The following GCH1 variants were observed in gnomAD, a reference collection of about 807,000 sequenced individuals.
GCH1 encodes GTP cyclohydrolase I.
Under a neutral mutation model 25.9 loss-of-function variants are expected in GCH1, and 5 were observed. The observed-to-expected ratio is 0.19, with a 90% CI of 0.10 to 0.41. GCH1 has a LOEUF of 0.41. Ranked by LOEUF, GCH1 falls within the 10% of genes least tolerant of loss-of-function variation. GCH1 has a pLI of 1.00. For synonymous variants in GCH1, 159 were observed against 129.6 expected (o/e 1.23, Z -1.54); for missense variants, 261 against 336.5 (o/e 0.78, Z 1.75).
rs748137436 is a variant in GCH1, at chr14:54,842,989, T to A, written c.*1028A>T. 2.6e-6 allele frequency: 2 copies of A among 779,538 alleles called. No individual in the cohort carries two copies. The allele number at this position is 779,538 out of a possible 1,614,324, so 48.3% of individuals were successfully genotyped here. ...TGGTTAAAACGTTGGACACAGCTCA[T>A]AATGTCTTCCACCGTCAGTTCATTC... On this transcript the variant is annotated 3_prime_UTR_variant, in exon 6 of 6. Transcript: ENST00000491895.
At chr14:54,863,787 A>G (rs1175328673) in intron 2 of GCH1, among the ~76,000 whole-genome samples, 3 of 152,126 alleles carry the variant, frequency 2.0e-5, no homozygotes, top group Non-Finnish European at 4.4e-5. Flanking sequence ...GATTAAGAAG[A>G]GAAAAGAAAT....
chr14:54,880,200 G>A (rs1372420677), intron 1 of GCH1, among the ~76,000 whole-genome samples: 1 of 150,070 alleles, frequency 6.7e-6, no homozygotes, highest in Non-Finnish European at 1.5e-5. Context: ...GTAGTGAGAT[G>A]ATAACTGGAT....
chr14:54,901,261 G>A (rs775275404), intron 1 of GCH1, among the ~76,000 whole-genome samples: 78 of 152,294 alleles, frequency 5.1e-4, no homozygotes, highest in African/African-American at 1.3e-3. Context: ...AACAGTGAAC[G>A]GTAGAATGCT....
At chr14:54,865,303 G>A in intron 2 of GCH1, 24 bp downstream of exon 2, 2 of 1,115,360 alleles carry the variant, frequency 1.8e-6, no homozygotes, top group South Asian at 1.3e-5. Context: ...TTAAATTGCT[G>A]GGAAACAACA....
chr14:54,843,883 T>G lies in GCH1; in HGVS notation c.*134A>C, dbSNP rs779204346. ...TTATTTGACTTCCTAGAAATAATTTTAAATATAATTAGTGACAAGGAATAA... is the reference window on the plus strand; with the variant it reads ...TTATTTGACTTCCTAGAAATAATTTGAAATATAATTAGTGACAAGGAATAA... On this transcript the variant is annotated 3_prime_UTR_variant, in exon 6 of 6. Transcript: ENST00000491895. The G allele has an allele frequency of 5.0e-6, 8 of 1,607,462 alleles. No homozygotes were observed. The highest frequency in any genetic ancestry group is 6.8e-6 in the Non-Finnish European group (8 of 1,175,258).
intron 3 of GCH1, among the ~76,000 whole-genome samples, chr14:54,849,192 T>C (rs915923059): frequency 2.0e-5 from 3 of 152,262 alleles, no homozygotes; most frequent in Admixed American, 6.5e-5. Flanking sequence ...GAGTGCCTGC[T>C]ATGTATGTGA....
intron 3 of GCH1, among the ~76,000 whole-genome samples, chr14:54,852,390 T>C (rs2039744770): frequency 6.6e-6 from 1 of 152,212 alleles, no homozygotes; most frequent in African/African-American, 2.4e-5. Flanking sequence ...GCTGGAGCTT[T>C]TCCCAGCAGT....
intron 3 of GCH1, among the ~76,000 whole-genome samples, chr14:54,850,124 C>A (rs1375553301): frequency 6.6e-6 from 1 of 151,964 alleles, no homozygotes; most frequent in Non-Finnish European, 1.5e-5. Flanking sequence ...CAGGTGCCTG[C>A]CACCACACCC....
At position 54,849,440 on chromosome 14, in the gene GCH1, C is replaced by T. The variant is rs527442598; in HGVS notation, c.510-2310G>A. On this transcript the variant is annotated intron_variant, in intron 3 of 5. Coordinates refer to ENST00000491895, the MANE Select transcript of GCH1 (RefSeq NM_000161.3). The stretch of plus-strand genomic sequence containing the variant: ...TAGTTTGACACTGATATCTATCTTG[C>T]CCTTCAGTATTGCTGTTGGCAAACC... 2.0e-5 allele frequency among the ~76,000 whole-genome samples: 3 copies of T among 152,288 alleles called. No individual in the cohort carries two copies. In the East Asian group the frequency reaches 5.8e-4, roughly 29 times the overall value.
chr14:54,875,293 C>A (rs2040141733), intron 1 of GCH1, among the ~76,000 whole-genome samples: 1 of 152,162 alleles, frequency 6.6e-6, no homozygotes, highest in Non-Finnish European at 1.5e-5. Context: ...AAACTGGATC[C>A]CTTCCTTACA....
At chr14:54,856,752 C>T (rs1398382831) in intron 3 of GCH1, among the ~76,000 whole-genome samples, 5 of 152,226 alleles carry the variant, frequency 3.3e-5, no homozygotes, top group South Asian at 2.1e-4. Context: ...CTCACCCAGC[C>T]GAGGCTCAGT....
intron 2 of GCH1, 124 bp downstream of exon 2, chr14:54,865,203 T>C: frequency 1.6e-6 from 1 of 631,446 alleles, no homozygotes; most frequent in African/African-American, 1.8e-5. Flanking sequence ...AATAACCATA[T>C]ATGTATAATT....
chr14:54,869,739 C>G lies in GCH1; in HGVS notation c.344-4303G>C, dbSNP rs181407807. Among the ~76,000 whole-genome samples, 446 of 152,308 alleles carry G rather than the reference C, an allele frequency of 2.9e-3. 2 individuals are homozygous for G. Among genetic ancestry groups the G allele is most frequent in the African/African-American group, 0.01 (419 of 41,564 alleles). The stretch of plus-strand genomic sequence containing the variant: ...AGGTGACCCACCTGCCTCAGCCTCC[C>G]AAAGTGCTGGGATTACAGGCGTGAG... On this transcript the variant is annotated intron_variant, in intron 1 of 5. Transcript: ENST00000491895.
chr14:54,843,352 C>A lies in GCH1; in HGVS notation c.*665G>T. On this transcript the variant is annotated 3_prime_UTR_variant, in exon 6 of 6. Transcript: ENST00000491895. ...CTGTATGTTGACACGAGAATACACT[C>A]GTAAACAACACCAGGAACTAATTCC... 7.8e-7 allele frequency: 1 copy of A among 1,280,604 alleles called. No individual in the cohort carries two copies. The highest frequency in any genetic ancestry group is 3.3e-5 in the East Asian group (1 of 29,960). 79.3% of individuals were successfully genotyped at this position (1,280,604 alleles called of 1,614,324 possible). A position where few individuals can be genotyped will look rare whatever the true frequency, so the allele number is the denominator to read the frequency against.
chr14:54,857,581 C>A lies in GCH1; in HGVS notation c.509+2100G>T, dbSNP rs571191218. 3.0e-4 allele frequency among the ~76,000 whole-genome samples: 45 copies of A among 152,370 alleles called. No individual in the cohort carries two copies. In the South Asian group the frequency reaches 9.3e-3, roughly 32 times the overall value. ...GCAAGGTATAGGGTTAGCAATCTTG[C>A]TGACAGGGAGGCCCAGGGGACTGGG... On this transcript the variant is annotated intron_variant, in intron 3 of 5. Coordinates refer to ENST00000491895, the MANE Select transcript of GCH1 (RefSeq NM_000161.3).
chr14:54,865,185 TAATAAAG>T (rs1312730860), intron 2 of GCH1, 135 bp downstream of exon 2: 1 of 591,618 alleles, frequency 1.7e-6, no homozygotes, highest in African/African-American at 1.9e-5. Context: ...TTAGTCAGGT[TAATAAAG>T]AATAACCATA....
At chr14:54,847,179 A>C (rs1249712100) in intron 3 of GCH1, 49 bp from the exon 4 acceptor site, 1 of 750,066 alleles carries the variant, frequency 1.3e-6, no homozygotes, top group East Asian at 2.7e-5. Context: ...TTTGAAGTAA[A>C]ATTGATAAGC....
Position 54,843,677 on chromosome 14 carries a change from A to G in GCH1, c.*340T>C. 2 of 1,594,030 alleles carry G rather than the reference A, an allele frequency of 1.3e-6. No homozygotes were observed. The highest frequency in any genetic ancestry group is 1.2e-5 in the South Asian group (1 of 86,886). On this transcript the variant is annotated 3_prime_UTR_variant, in exon 6 of 6. Coordinates refer to ENST00000491895, the MANE Select transcript of GCH1 (RefSeq NM_000161.3). Reference sequence around the variant, plus strand: ...GTTCCCTCTCATTCCCAATGCTCCTATGCTTATGAGGCAAATTACTGTACT... The same window carrying G: ...GTTCCCTCTCATTCCCAATGCTCCTGTGCTTATGAGGCAAATTACTGTACT...
intron 1 of GCH1, among the ~76,000 whole-genome samples, chr14:54,888,580 T>C (rs1427944037): frequency 1.3e-5 from 2 of 151,528 alleles, no homozygotes; most frequent in African/African-American, 2.4e-5. Flanking sequence ...TGGCATGATC[T>C]CCGCTCACTG....
Sources: allele counts gnomAD v4.1 joint callset (sites outside exome capture counted in the v4.1 genomes callset), GRCh38; gene constraint gnomAD v4.1.1; transcripts MANE v1.5; gene names NCBI Gene and HGNC (gene_info 2026-07-23, HGNC 2026-07-21).